The following KCNQ5 variants were observed in gnomAD, a reference collection of about 807,000 sequenced individuals.
KCNQ5 encodes the protein potassium voltage-gated channel subfamily KQT member 5.
A neutral mutation model predicts 98.2 loss-of-function variants in KCNQ5; 30 were observed. The observed-to-expected ratio is 0.31, with a 90% CI of 0.23 to 0.41. KCNQ5 has a LOEUF of 0.41. Ranked by LOEUF, KCNQ5 falls within the 10% of genes least tolerant of loss-of-function variation. KCNQ5 has a pLI of 1.00. For synonymous variants in KCNQ5, 458 were observed against 449.4 expected (o/e 1.02, Z -0.24); for missense variants, 835 against 1,182.5 (o/e 0.71, Z 4.31).
At chr6:72,668,878 T>C (rs372296528) in intron 1 of KCNQ5, among the ~76,000 whole-genome samples, 3 of 151,882 alleles carry the variant, frequency 2.0e-5, no homozygotes, top group Admixed American at 6.5e-5. Flanking sequence ...ATTAGTCCTA[T>C]TGGATTATGG....
At chr6:72,765,421 A>C (rs1456239245) in intron 1 of KCNQ5, among the ~76,000 whole-genome samples, 1 of 152,052 alleles carries the variant, frequency 6.6e-6, no homozygotes, top group African/African-American at 2.4e-5. Context: ...AATGAGTCAA[A>C]ATGACCAACG....
intron 2 of KCNQ5, among the ~76,000 whole-genome samples, chr6:73,021,067 T>A (rs897031535): frequency 5.9e-5 from 9 of 152,150 alleles, no homozygotes; most frequent in Non-Finnish European, 1.0e-4. Flanking sequence ...ATCTTGGTAA[T>A]TCCTATCAAT....
chr6:72,896,993 T>G lies in KCNQ5; in HGVS notation c.399-106915T>G, dbSNP rs528055666. On this transcript the variant is annotated intron_variant, in intron 1 of 13. Transcript: ENST00000370398. ...TTTGTTTTTTTCTTGTAGTAAATTC[T>G]TATCTACCATGTTCTCATATTATAG... Among the ~76,000 whole-genome samples, 59 of 152,286 alleles carry G rather than the reference T, an allele frequency of 3.9e-4. 1 individual carries two copies. In the South Asian group the frequency reaches 8.7e-3, roughly 23 times the overall value.
chr6:72,889,371 C>A (rs1778973661), intron 1 of KCNQ5, among the ~76,000 whole-genome samples: 1 of 152,144 alleles, frequency 6.6e-6, no homozygotes. Context: ...GATCAGAGAG[C>A]TACTCAACAG....
Position 73,124,682 on chromosome 6 carries a change from G to A in KCNQ5, c.1247+170G>A. On this transcript the variant is annotated intron_variant, in intron 9 of 13. Coordinates refer to ENST00000370398, the MANE Select transcript of KCNQ5 (RefSeq NM_019842.4). ...TATTTTATTGATATTTCGCCCCTTA[G>A]TATCAAAGTGTCTTTCCCTAACTCA... 5 of 652,946 alleles carry A rather than the reference G, an allele frequency of 7.7e-6. No individual in the cohort carries two copies. The South Asian group carries it at 9.1e-5, about 12-fold the overall frequency. 40.4% of individuals were successfully genotyped at this position (652,946 alleles called of 1,614,324 possible). A position where few individuals can be genotyped will look rare whatever the true frequency, so the allele number is the denominator to read the frequency against.
intron 1 of KCNQ5, among the ~76,000 whole-genome samples, chr6:72,904,823 A>C (rs775263848): frequency 5.9e-5 from 9 of 151,998 alleles, no homozygotes; most frequent in Non-Finnish European, 1.2e-4. Context: ...AATAATCTTC[A>C]TTTAGATAAC....
chr6:73,192,723 G>A (rs756413381), intron 13 of KCNQ5, 32 bp downstream of exon 13: 1 of 1,505,524 alleles, frequency 6.6e-7, no homozygotes, highest in South Asian at 1.4e-5. Flanking sequence ...TATCTTTTTA[G>A]CCAGAATTTT....
intron 1 of KCNQ5, among the ~76,000 whole-genome samples, chr6:72,957,319 C>T (rs1404009564): frequency 6.6e-6 from 1 of 151,812 alleles, no homozygotes; most frequent in Non-Finnish European, 1.5e-5. Flanking sequence ...TACAGGCGCG[C>T]ACCACCACAC....
intron 1 of KCNQ5, among the ~76,000 whole-genome samples, chr6:72,972,983 A>G (rs1263537616): frequency 1.3e-5 from 2 of 152,212 alleles, no homozygotes. Flanking sequence ...GTGAAACTAA[A>G]CTAAACTCTA....
chr6:72,640,251 C>A (rs1042781675), intron 1 of KCNQ5, among the ~76,000 whole-genome samples: 2 of 151,456 alleles, frequency 1.3e-5, no homozygotes, highest in African/African-American at 4.9e-5. Context: ...TTGGGCAAAT[C>A]GTAAACCCCT....
intron 1 of KCNQ5, among the ~76,000 whole-genome samples, chr6:72,957,151 G>GA (rs796305059): frequency 1.3e-5 from 2 of 149,026 alleles, no homozygotes; most frequent in African/African-American, 4.9e-5. Flanking sequence ...CTCACCCCTG[G>GA]CTGTACATAT....
At chr6:73,135,110 T>G (rs973029047) in intron 10 of KCNQ5, 2 of 152,158 alleles carry the variant, frequency 1.3e-5, no homozygotes, top group Non-Finnish European at 2.9e-5. Flanking sequence ...ATTCTATTTC[T>G]AGGATATAAT....
chr6:73,063,648 T>C (rs943658339), intron 3 of KCNQ5, among the ~76,000 whole-genome samples: 1 of 144,722 alleles, frequency 6.9e-6, no homozygotes, highest in Non-Finnish European at 1.5e-5. Flanking sequence ...GAAATACAGA[T>C]AGATGATAGA....
At chr6:73,070,855 G>C (rs116298403) in intron 3 of KCNQ5, among the ~76,000 whole-genome samples, 109 of 152,276 alleles carry the variant, frequency 7.2e-4, no homozygotes, top group African/African-American at 2.6e-3. Flanking sequence ...CCTTAGAAGG[G>C]AAGCACATAT....
At chr6:73,129,465 A>G (rs1398716778) in intron 9 of KCNQ5, among the ~76,000 whole-genome samples, 2 of 152,250 alleles carry the variant, frequency 1.3e-5, no homozygotes, top group African/African-American at 4.8e-5. Flanking sequence ...AAAGTACGTT[A>G]TTAATCATTT....
At chr6:73,109,252 C>A (rs1775127643) in intron 6 of KCNQ5, among the ~76,000 whole-genome samples, 1 of 152,148 alleles carries the variant, frequency 6.6e-6, no homozygotes, top group Non-Finnish European at 1.5e-5. Flanking sequence ...GATTGTTTGG[C>A]AGATGATAAA....
chr6:72,826,733 T>C (rs1776017507), intron 1 of KCNQ5, among the ~76,000 whole-genome samples: 1 of 152,162 alleles, frequency 6.6e-6, no homozygotes, highest in East Asian at 1.9e-4. Context: ...AAACATTCAG[T>C]ATATTTCTTC....
chr6:73,133,680 G>C, intron 10 of KCNQ5, 39 bp downstream of exon 10: 2 of 1,541,274 alleles, frequency 1.3e-6, no homozygotes, highest in Non-Finnish European at 9.0e-7. Context: ...TAATTGGATA[G>C]GCTATAGTGA....
intron 1 of KCNQ5, among the ~76,000 whole-genome samples, chr6:72,704,677 T>A (rs927365632): frequency 2.0e-5 from 3 of 152,156 alleles, no homozygotes; most frequent in Admixed American, 1.3e-4. Context: ...ATATAAAGTT[T>A]CCTCTTTGCT....
Sources: gnomAD v4.1 joint callset for allele counts (sites outside exome capture counted in the v4.1 genomes callset) on GRCh38, gnomAD v4.1.1 for gene constraint, MANE v1.5 for transcripts, NCBI Gene and HGNC (gene_info 2026-07-23, HGNC 2026-07-21) for gene names.